The following C1orf53 variants were observed in gnomAD, a reference collection of about 807,000 sequenced individuals.
The protein encoded by C1orf53 is uncharacterized protein C1orf53.
Under a neutral mutation model 17.5 loss-of-function variants are expected in C1orf53, and 23 were observed. That is an observed-to-expected ratio of 1.31 (90% CI 0.94 to 1.86). C1orf53 has a LOEUF of 1.86. Ranked by LOEUF, C1orf53 falls within the 40% of genes most tolerant of loss-of-function variation. The pLI, the probability that C1orf53 is intolerant of heterozygous loss-of-function variation, is 0.00. For synonymous variants in C1orf53, 108 were observed against 81.9 expected (o/e 1.32, Z -1.72); for missense variants, 255 against 193.2 (o/e 1.32, Z -1.89).
intron 1 of C1orf53, among the ~76,000 whole-genome samples, chr1:197,905,208 T>A (rs1211803275): frequency 6.6e-6 from 1 of 152,104 alleles, no homozygotes; most frequent in Non-Finnish European, 1.5e-5. Context: ...AAAACAATAC[T>A]TTTTTCACTT....
intron 1 of C1orf53, 109 bp downstream of exon 1, chr1:197,903,022 T>A (rs1468297127): frequency 9.5e-7 from 1 of 1,055,368 alleles, no homozygotes; most frequent in Non-Finnish European, 1.2e-6. Flanking sequence ...GAGGCAAAGG[T>A]TGCTGGATAC....
At position 197,905,796 on chromosome 1, in the gene C1orf53, G is replaced by T. The variant is rs536041809; in HGVS notation, c.265G>T (p.Ala89Ser). The stretch of plus-strand genomic sequence containing the variant: ...ATTGTTTCATTTTATTGCACTTCAG[G>T]CTGGCCAGCTAAACTATGTGGATCC... ...IAELHAAACA[A>S]GQLNYVDPAT... The change falls in exon 2 of 3, where the codon GCT becomes TCT. Residue 89 changes from alanine (A) to serine (S), a missense_variant and splice_region_variant. Ala to Ser is a moderately conservative substitution (Grantham distance 99, BLOSUM62 1). Coordinates refer to ENST00000367393, the MANE Select transcript of C1orf53 (RefSeq NM_001024594.3). The T allele has an allele frequency of 6.2e-7, 1 of 1,607,476 alleles. No individual in the cohort carries two copies. The highest frequency in any genetic ancestry group is 8.5e-7 in the Non-Finnish European group (1 of 1,174,582).
At position 197,902,680 on chromosome 1, in the gene C1orf53, G is replaced by T; in HGVS notation, c.31G>T (p.Gly11Cys). MAARQIWART[G>C]AALCRQPSAA... is the part of the protein sequence containing the mutation. ...GGCCAGGCAGATCTGGGCACGGACG[G>T]GTGCCGCGCTCTGCAGGCAACCTTC... Residue 11 changes from glycine to cysteine, a missense_variant, in exon 1 of 3, where the codon GGT (glycine) becomes TGT (cysteine). Physicochemically the swap from Gly to Cys is radical, Grantham distance 159 (BLOSUM62 -3). Transcript: ENST00000367393. 4.0e-6 allele frequency: 6 copies of T among 1,498,862 alleles called. No individual in the cohort carries two copies. The highest frequency in any genetic ancestry group is 5.3e-6 in the Non-Finnish European group (6 of 1,131,520). 92.8% of individuals were successfully genotyped at this position (1,498,862 alleles called of 1,614,324 possible). A position where few individuals can be genotyped will look rare whatever the true frequency, so the allele number is the denominator to read the frequency against.
intron 1 of C1orf53, among the ~76,000 whole-genome samples, chr1:197,903,285 T>G (rs1659470341): frequency 6.6e-6 from 1 of 152,222 alleles, no homozygotes; most frequent in South Asian, 2.1e-4. Context: ...CAAAAATGTG[T>G]TGTGTGTTTT....
At chr1:197,902,978 C>G (rs1659454949) in intron 1 of C1orf53, 65 bp downstream of exon 1, 2 of 1,309,358 alleles carry the variant, frequency 1.5e-6, no homozygotes, top group African/African-American at 1.6e-5. Context: ...GCCTGCGCAT[C>G]CCGGGCCTCT....
intron 2 of C1orf53, among the ~76,000 whole-genome samples, chr1:197,906,511 T>G (rs1365878542): frequency 6.6e-6 from 1 of 151,846 alleles, no homozygotes; most frequent in Non-Finnish European, 1.5e-5. Flanking sequence ...TGCCTGTACA[T>G]TTCCTAAAAT....
intron 1 of C1orf53, 148 bp from the exon 2 acceptor site, chr1:197,905,648 G>A: frequency 1.7e-6 from 1 of 605,516 alleles, no homozygotes; most frequent in Non-Finnish European, 2.9e-6. Flanking sequence ...AGTGCATTTG[G>A]TCTTTAATTG....
chr1:197,904,979 G>A (rs1395322144), intron 1 of C1orf53, among the ~76,000 whole-genome samples: 1 of 152,076 alleles, frequency 6.6e-6, no homozygotes, highest in African/African-American at 2.4e-5. Context: ...AAGTCCATGG[G>A]AGTTCCTCTA....
At position 197,905,908 on chromosome 1, in the gene C1orf53, A is replaced by G. The variant is rs753816568; in HGVS notation, c.366+11A>G. 2 of 1,590,198 alleles carry G rather than the reference A, an allele frequency of 1.3e-6. No homozygotes were observed. Among genetic ancestry groups the G allele is most frequent in the South Asian group, 1.1e-5 (1 of 90,462 alleles). On this transcript the variant is annotated intron_variant, in intron 2 of 2. Transcript: ENST00000367393. ...TCTGCGTGCAGACATGTGAGTAGCA[A>G]TTCTTGCATTACAGCAGCAGTTTGC...
chr1:197,905,418 T>G (rs1447752984), intron 1 of C1orf53: 1 of 156,858 alleles, frequency 6.4e-6, no homozygotes, highest in Non-Finnish European at 1.4e-5. Flanking sequence ...CAACTGCAAC[T>G]TCTGAGTGAA....
rs372599540 is a variant in C1orf53, at chr1:197,905,887, C to T, written c.356C>T (p.Ala119Val). ...HLQRGECCGS[A>V]CRHCPYGQVN... is the part of the protein sequence containing the mutation. The stretch of plus-strand genomic sequence containing the variant: ...CAAAGAGGTGAATGTTGTGGCTCTG[C>T]GTGCAGACATGTGAGTAGCAATTCT... Residue 119 changes from alanine to valine, a missense_variant, in exon 2 of 3, where the codon GCG (alanine) becomes GTG (valine). Physicochemically the swap from Ala to Val is moderately conservative, Grantham distance 64. Transcript: ENST00000367393. The T allele has an allele frequency of 3.5e-5, 57 of 1,612,736 alleles. No homozygotes were observed. Among genetic ancestry groups the T allele is most frequent in the Non-Finnish European group, 4.3e-5 (51 of 1,178,798 alleles).
At chr1:197,903,003 C>A in intron 1 of C1orf53, 90 bp downstream of exon 1, 1 of 1,213,182 alleles carries the variant, frequency 8.2e-7, no homozygotes, top group Non-Finnish European at 1.0e-6. Context: ...ACCCGGAGGC[C>A]GCCCGGCAGA....
In C1orf53 at chr1:197,905,816, G is replaced by A. The variant is rs1230821185; in HGVS notation, c.285G>A (p.Val95=). ...AACAAGQLNY[V]DPATGYVVLT... is the part of the protein sequence containing the mutation. Reference sequence around the variant, plus strand: ...TTCAGGCTGGCCAGCTAAACTATGTGGATCCAGCTACTGGCTATGTGGTGC... The same window carrying A: ...TTCAGGCTGGCCAGCTAAACTATGTAGATCCAGCTACTGGCTATGTGGTGC... The change falls in exon 2 of 3, where the codon GTG becomes GTA. Residue 95 remains valine, a synonymous_variant. Transcript: ENST00000367393. The A allele has an allele frequency of 6.2e-7, 1 of 1,613,312 alleles. No individual in the cohort carries two copies. Among genetic ancestry groups the A allele is most frequent in the African/African-American group, 1.3e-5 (1 of 74,886 alleles).
chr1:197,905,951 G>T, intron 2 of C1orf53, 54 bp downstream of exon 2: 1 of 1,215,100 alleles, frequency 8.2e-7, no homozygotes. Flanking sequence ...CTGTAACTTC[G>T]TAAATACCTA....
chr1:197,903,599 G>T (rs1199210388), intron 1 of C1orf53, among the ~76,000 whole-genome samples: 1 of 152,192 alleles, frequency 6.6e-6, no homozygotes, highest in East Asian at 1.9e-4. Context: ...GAAAAAAAGA[G>T]AAACTGACTA....
intron 1 of C1orf53, among the ~76,000 whole-genome samples, chr1:197,903,536 C>T (rs2102582363): frequency 6.6e-6 from 1 of 152,280 alleles, no homozygotes; most frequent in Admixed American, 6.5e-5. Flanking sequence ...CCTTCTAACA[C>T]AGTCTGCGTG....
intron 1 of C1orf53, among the ~76,000 whole-genome samples, chr1:197,903,251 G>T (rs73083809): frequency 0.038 from 5,813 of 152,276 alleles, 371 homozygotes; most frequent in African/African-American, 0.13. Context: ...TGATGGAGAA[G>T]GTGGAGGGAC....
At position 197,905,888 on chromosome 1, in the gene C1orf53, G is replaced by C. The variant is rs771403673; in HGVS notation, c.357G>C (p.Ala119=). The stretch of plus-strand genomic sequence containing the variant: ...AAAGAGGTGAATGTTGTGGCTCTGC[G>C]TGCAGACATGTGAGTAGCAATTCTT... ...HLQRGECCGS[A]CRHCPYGQVN... Residue 119 remains alanine (A), a synonymous_variant, in exon 2 of 3, where the codon GCG becomes GCC. Transcript: ENST00000367393. 1.9e-6 allele frequency: 3 copies of C among 1,612,490 alleles called. No individual in the cohort carries two copies. Among genetic ancestry groups the C allele is most frequent in the Admixed American group, 3.3e-5 (2 of 59,982 alleles).
intron 1 of C1orf53, among the ~76,000 whole-genome samples, chr1:197,904,924 A>G (rs1393297209): frequency 6.6e-6 from 1 of 152,122 alleles, no homozygotes; most frequent in African/African-American, 2.4e-5. Flanking sequence ...AACTCTGTAC[A>G]AGATTGATGC....
Sources: allele counts gnomAD v4.1 joint callset (sites outside exome capture counted in the v4.1 genomes callset), GRCh38; gene constraint gnomAD v4.1.1; transcripts MANE v1.5; gene names NCBI Gene and HGNC (gene_info 2026-07-23, HGNC 2026-07-21).